Variants in FBP2 observed in about 807,000 individuals in gnomAD.
FBP2 encodes fructose-bisphosphatase 2.
Under a neutral mutation model 31.6 loss-of-function variants are expected in FBP2, and 27 were observed. That is an observed-to-expected ratio of 0.85 (90% CI 0.63 to 1.18). The LOEUF is 1.18. Among genes scored for constraint, FBP2 ranks in the 50% most tolerant of loss-of-function variants. The pLI is 0.00. For missense variants in FBP2, 421 were observed against 436.1 expected (o/e 0.97, Z 0.31); for synonymous variants, 168 against 179.8 (o/e 0.93, Z 0.53).
intron 4 of FBP2, chr9:94,569,756 A>G (rs1214868456): frequency 1.3e-5 from 2 of 152,224 alleles, no homozygotes; most frequent in Non-Finnish European, 2.9e-5. Context: ...AGCTTTACCC[A>G]CAATGGAGAG....
chr9:94,588,528 T>A (rs1253677316), intron 1 of FBP2, among the ~76,000 whole-genome samples: 2 of 152,006 alleles, frequency 1.3e-5, no homozygotes, highest in East Asian at 3.9e-4. Context: ...GAGGCTGAGA[T>A]GAAAGGATCA....
At chr9:94,568,055 G>A (rs1045733868) in intron 4 of FBP2, 1 of 151,138 alleles carries the variant, frequency 6.6e-6, no homozygotes, top group African/African-American at 2.4e-5. Flanking sequence ...GTGAACCCGG[G>A]AGGCAGAGCT....
intron 4 of FBP2, chr9:94,567,811 A>G: frequency 5.7e-6 from 1 of 174,250 alleles, no homozygotes; most frequent in Non-Finnish European, 1.2e-5. Context: ...ACATTGTCGT[A>G]TGAGGGATGC....
intron 2 of FBP2, among the ~76,000 whole-genome samples, chr9:94,586,160 G>C (rs952812550): frequency 1.1e-4 from 17 of 152,158 alleles, no homozygotes; most frequent in Non-Finnish European, 2.2e-4. Flanking sequence ...TGGATCACCT[G>C]AGGTCAGAGT....
intron 2 of FBP2, chr9:94,586,732 A>G (rs1827431358): frequency 6.6e-6 from 1 of 152,214 alleles, no homozygotes; most frequent in South Asian, 2.1e-4. Flanking sequence ...GCCATTGGCA[A>G]ACCTCTCTGT....
chr9:94,582,550 T>TC (rs1587844271), intron 3 of FBP2, among the ~76,000 whole-genome samples: 1 of 149,092 alleles, frequency 6.7e-6, no homozygotes, highest in African/African-American at 2.5e-5. Context: ...TTGGCTAATT[T>TC]TTTTTTTTTT....
intron 6 of FBP2, among the ~76,000 whole-genome samples, chr9:94,560,586 A>T (rs1827082858): frequency 6.6e-6 from 1 of 151,972 alleles, no homozygotes; most frequent in Non-Finnish European, 1.5e-5. Context: ...TGACCCAGCT[A>T]TGTGCAGCCT....
At chr9:94,561,109 T>C (rs548541755) in intron 6 of FBP2, among the ~76,000 whole-genome samples, 31 of 152,230 alleles carry the variant, frequency 2.0e-4, no homozygotes, top group African/African-American at 6.0e-4. Context: ...GCTCAGCATT[T>C]TTCTCCCCTT....
intron 1 of FBP2, among the ~76,000 whole-genome samples, chr9:94,590,912 C>T (rs1285442169): frequency 6.6e-6 from 1 of 152,204 alleles, no homozygotes; most frequent in East Asian, 1.9e-4. Context: ...AGAGTTTCCA[C>T]ACACAGGTTC....
intron 1 of FBP2, among the ~76,000 whole-genome samples, chr9:94,590,679 C>T (rs1008203418): frequency 2.0e-5 from 3 of 152,192 alleles, no homozygotes; most frequent in African/African-American, 7.2e-5. Context: ...GAGTGAGCAG[C>T]AGCAAGAGCG....
In FBP2 at chr9:94,580,448, C is replaced by T. The variant is rs1587843680; in HGVS notation, c.426+4129G>A. Among the ~76,000 whole-genome samples, 4 of 152,264 alleles carry T rather than the reference C, an allele frequency of 2.6e-5. No homozygotes were observed. The South Asian group carries it at 8.3e-4, about 32-fold the overall frequency. ...GCCAGGCTGGTCTTGAACTCCTGGCCTCAAGTGATCCACCTGCCTCAGCCT... is the reference window on the plus strand; with the variant it reads ...GCCAGGCTGGTCTTGAACTCCTGGCTTCAAGTGATCCACCTGCCTCAGCCT... On this transcript the variant is annotated intron_variant, in intron 3 of 6. Transcript: ENST00000375337.
chr9:94,567,195 C>A, intron 5 of FBP2, 75 bp downstream of exon 5: 7 of 1,522,976 alleles, frequency 4.6e-6, no homozygotes, highest in Non-Finnish European at 5.4e-6. Context: ...CAGCAAAGCC[C>A]CTGAAGCCAC....
chr9:94,581,341 G>C (rs1827370877), intron 3 of FBP2, among the ~76,000 whole-genome samples: 1 of 152,186 alleles, frequency 6.6e-6, no homozygotes, highest in Non-Finnish European at 1.5e-5. Context: ...CTTGTGTTTT[G>C]TGCAGCTAAG....
chr9:94,565,250 C>CTGTA (rs1366589046), intron 5 of FBP2, among the ~76,000 whole-genome samples: 1 of 151,344 alleles, frequency 6.6e-6, no homozygotes, highest in Non-Finnish European at 1.5e-5. Flanking sequence ...TGGCGGGAGG[C>CTGTA]TGTAATCCCA....
At chr9:94,563,716 A>G (rs6479554) in intron 5 of FBP2, among the ~76,000 whole-genome samples, 78,085 of 150,356 alleles carry the variant, frequency 0.52, 21,080 homozygotes, top group Admixed American at 0.63. Flanking sequence ...GCAATCTTAA[A>G]AGAGCCGCTA....
At chr9:94,563,616 C>T (rs1465181448) in intron 5 of FBP2, among the ~76,000 whole-genome samples, 155 bp from the exon 6 acceptor site, 1 of 152,196 alleles carries the variant, frequency 6.6e-6, no homozygotes, top group African/African-American at 2.4e-5. Flanking sequence ...TATAATTGTG[C>T]ATTTCATTTA....
chr9:94,566,465 C>T (rs1055260532), intron 5 of FBP2, among the ~76,000 whole-genome samples: 16 of 152,268 alleles, frequency 1.1e-4, no homozygotes, highest in African/African-American at 3.6e-4. Flanking sequence ...TAATTTGGCC[C>T]ATCCCTTCCT....
At chr9:94,590,403 C>T (rs572614311) in intron 1 of FBP2, among the ~76,000 whole-genome samples, 85 of 151,740 alleles carry the variant, frequency 5.6e-4, no homozygotes, top group African/African-American at 2.0e-3. Flanking sequence ...TTCACGGAGC[C>T]CTTGCTAGAA....
Position 94,563,439 on chromosome 9 carries a change from G to GC in FBP2, c.727dup (p.Ala243GlyfsTer10), listed in dbSNP as rs1827139020. On this transcript the variant is annotated frameshift_variant, in exon 6 of 7. Coordinates refer to ENST00000375337, the MANE Select transcript of FBP2 (RefSeq NM_003837.4). LOFTEE classifies it high-confidence loss of function. ...AGCCACCATGGAGCCCACATACCTG[G>GC]CCCCATAGGGAGCACTGCCATCCTA... 1 of 1,613,832 alleles carries GC rather than the reference G, an allele frequency of 6.2e-7. No individual in the cohort carries two copies. The highest frequency in any genetic ancestry group is 1.1e-5 in the South Asian group (1 of 91,048).
Sources: allele counts gnomAD v4.1 joint callset (sites outside exome capture counted in the v4.1 genomes callset), GRCh38; gene constraint gnomAD v4.1.1; transcripts MANE v1.5; gene names NCBI Gene and HGNC (gene_info 2026-07-23, HGNC 2026-07-21).